FYTTD1: variants seen among roughly 807,000 people sequenced by gnomAD.
FYTTD1 encodes UAP56-interacting factor.
FYTTD1 carries 22 observed loss-of-function variants against 40.9 expected under a neutral mutation model. The ratio of observed to expected loss-of-function variants is 0.54; its 90% CI spans 0.38 to 0.77. FYTTD1 has a LOEUF of 0.77. FYTTD1 is among the 30% of genes least tolerant of loss of function. The pLI is 0.00. For missense variants in FYTTD1, 351 were observed against 392.2 expected, an observed-to-expected ratio of 0.90 and a Z score of 0.89; for synonymous variants, 140 against 137.9, an observed-to-expected ratio of 1.01 and a Z score of -0.10.
At chr3:197,749,857 C>T, upstream of FYTTD1, 1 of 605,800 alleles carries the variant, frequency 1.7e-6, no homozygotes, top group East Asian at 3.7e-5. Flanking sequence ...AGACCGAGGA[C>T]GGCGCCGGCG....
intron 3 of FYTTD1, among the ~76,000 whole-genome samples, chr3:197,769,821 ACCTGTGGGT>A (rs1250751429): frequency 6.6e-6 from 1 of 152,042 alleles, no homozygotes; most frequent in African/African-American, 2.4e-5. Context: ...ATTCCCCATC[ACCTGTGGGT>A]CCCCTGAGCA....
chr3:197,768,294 G>T, intron 2 of FYTTD1, 145 bp from the exon 3 acceptor site: 1 of 559,746 alleles, frequency 1.8e-6, no homozygotes. Flanking sequence ...TTTTTAAAAT[G>T]AAGTATTTTA....
chr3:197,750,538 G>A, intron 1 of FYTTD1: 1 of 985,712 alleles, frequency 1.0e-6, no homozygotes, highest in Non-Finnish European at 1.2e-6. Context: ...GGCCGGGGCT[G>A]CGGTCGGTTA....
At chr3:197,756,340 AACGTAGG>A in intron 1 of FYTTD1, 79 bp from the exon 2 acceptor site, 2 of 898,626 alleles carry the variant, frequency 2.2e-6, no homozygotes, top group Non-Finnish European at 3.5e-6. Context: ...AGAAGTTAGG[AACGTAGG>A]ACATCTATCA....
rs1730131530 is a variant in FYTTD1, at chr3:197,785,341, A to G, written c.*3432A>G. On this transcript the variant is annotated 3_prime_UTR_variant, in exon 9 of 9. Coordinates refer to ENST00000241502, the MANE Select transcript of FYTTD1 (RefSeq NM_032288.7). ...AACGAAAAGTTGGCCCACTGTGTAC[A>G]TGGATTTTCCATTCCAAGATGTTTT... The G allele has an allele frequency of 6.6e-6, 1 of 152,204 alleles. No homozygotes were observed. The highest frequency in any genetic ancestry group is 1.5e-5 in the Non-Finnish European group (1 of 68,034). The allele number at this position is 152,204 out of a possible 1,614,324, so 9.4% of individuals were successfully genotyped here.
chr3:197,757,300 T>C lies in FYTTD1; in HGVS notation c.235+743T>C, dbSNP rs141110565. ...GGCTTGTTAACTTCTTTATCAGCAA[T>C]ATCAGAATTTTAGAATAAATATTTG... On this transcript the variant is annotated intron_variant, in intron 2 of 8. Transcript: ENST00000241502. Among the ~76,000 whole-genome samples the C allele has an allele frequency of 1.2e-3, 184 of 152,366 alleles. 1 individual carries two copies. The highest frequency in any genetic ancestry group is 4.2e-3 in the African/African-American group (176 of 41,590).
chr3:197,767,082 T>C (rs1729572955), intron 2 of FYTTD1, among the ~76,000 whole-genome samples: 1 of 152,148 alleles, frequency 6.6e-6, no homozygotes. Context: ...CCCCCTTTTT[T>C]TTTTTAACGG....
In FYTTD1 at chr3:197,782,053, T is replaced by TAA; in HGVS notation, c.*144_*145insAA. On this transcript the variant is annotated 3_prime_UTR_variant, in exon 9 of 9. Coordinates refer to ENST00000241502, the MANE Select transcript of FYTTD1 (RefSeq NM_032288.7). ...TTTTTATTTTTGAAGGTTTTTTTTT[T>TAA]TAAAAAAAAAAACGTATAAAATAAT... 8.8e-6 allele frequency: 4 copies of TAA among 454,130 alleles called. No homozygotes were observed. The highest frequency in any genetic ancestry group is 6.2e-5 in the South Asian group (1 of 16,008). The allele number at this position is 454,130 out of a possible 1,614,324, so 28.1% of individuals were successfully genotyped here.
At chr3:197,758,811 T>C (rs528250977) in intron 2 of FYTTD1, among the ~76,000 whole-genome samples, 26 of 152,350 alleles carry the variant, frequency 1.7e-4, no homozygotes, top group African/African-American at 6.3e-4. Flanking sequence ...ATTTCCACGT[T>C]GTAATGTCAA....
intron 1 of FYTTD1, among the ~76,000 whole-genome samples, chr3:197,754,104 C>T (rs1729145904): frequency 6.6e-6 from 1 of 151,978 alleles, no homozygotes; most frequent in South Asian, 2.1e-4. Context: ...TTTTTTAATG[C>T]TCCCCAGACA....
intron 2 of FYTTD1, among the ~76,000 whole-genome samples, chr3:197,757,147 A>G (rs1050791186): frequency 1.3e-5 from 2 of 152,206 alleles, no homozygotes; most frequent in African/African-American, 2.4e-5. Flanking sequence ...AAATCTTCCA[A>G]AGTTGACACT....
chr3:197,766,772 A>C (rs1374819528), intron 2 of FYTTD1, among the ~76,000 whole-genome samples: 1 of 152,044 alleles, frequency 6.6e-6, no homozygotes, highest in African/African-American at 2.4e-5. Flanking sequence ...AGGGCTACAA[A>C]ATAGTATGTA....
At chr3:197,780,896 G>T (rs1730011961) in intron 8 of FYTTD1, among the ~76,000 whole-genome samples, 1 of 151,834 alleles carries the variant, frequency 6.6e-6, no homozygotes, top group African/African-American at 2.4e-5. Context: ...TCAGATTGAG[G>T]AAGCTCCCTT....
At chr3:197,772,172 A>G (rs1729739588) in intron 4 of FYTTD1, among the ~76,000 whole-genome samples, 1 of 152,212 alleles carries the variant, frequency 6.6e-6, no homozygotes, top group Non-Finnish European at 1.5e-5. Flanking sequence ...ATCACTTGAT[A>G]GTACCTTTTG....
At chr3:197,760,959 AGTGGTAGAATGTATAGAC>A (rs1160336259) in intron 2 of FYTTD1, among the ~76,000 whole-genome samples, 1 of 146,072 alleles carries the variant, frequency 6.8e-6, no homozygotes, top group East Asian at 2.0e-4. Flanking sequence ...AGTGTTCTTC[AGTGGTAGAATGTATAGAC>A]TTGTTCTTCA....
At chr3:197,778,005 C>T (rs1034873713) in intron 7 of FYTTD1, among the ~76,000 whole-genome samples, 5 of 152,174 alleles carry the variant, frequency 3.3e-5, no homozygotes, top group African/African-American at 1.2e-4. Context: ...AGCCACAGTG[C>T]CTAGCCCTCC....
chr3:197,761,277 T>C (rs2109041360), intron 2 of FYTTD1, among the ~76,000 whole-genome samples: 1 of 152,236 alleles, frequency 6.6e-6, no homozygotes, highest in African/African-American at 2.4e-5. Flanking sequence ...TAGTAGAATG[T>C]ATAGAGTTGT....
chr3:197,757,269 A>G (rs771433581), intron 2 of FYTTD1, among the ~76,000 whole-genome samples: 1 of 152,230 alleles, frequency 6.6e-6, no homozygotes, highest in Non-Finnish European at 1.5e-5. Flanking sequence ...GAACACTAAT[A>G]TATATGGCTT....
chr3:197,776,630 AAGC>A (rs1423501649), intron 6 of FYTTD1, among the ~76,000 whole-genome samples: 1 of 152,052 alleles, frequency 6.6e-6, no homozygotes, highest in East Asian at 1.9e-4. Flanking sequence ...TAGGAATAGA[AAGC>A]AGGAGAATAG....
Sources: gnomAD v4.1 joint callset for allele counts (sites outside exome capture counted in the v4.1 genomes callset) on GRCh38, gnomAD v4.1.1 for gene constraint, MANE v1.5 for transcripts, NCBI Gene and HGNC (gene_info 2026-07-23, HGNC 2026-07-21) for gene names.